The following FILIP1L variants were observed in gnomAD, a reference collection of about 807,000 sequenced individuals.
The protein encoded by FILIP1L is filamin A interacting protein 1 like, also known as filamin A-interacting protein 1-like.
Under a neutral mutation model 96.6 loss-of-function variants are expected in FILIP1L, and 55 were observed. The ratio of observed to expected loss-of-function variants is 0.57; its 90% CI spans 0.46 to 0.71. The LOEUF is 0.71. FILIP1L is among the 30% of genes least tolerant of loss of function. FILIP1L has a pLI of 0.00. For missense variants in FILIP1L, 1,304 were observed against 1,321.2 expected, an observed-to-expected ratio of 0.99 and a Z score of 0.20; for synonymous variants, 467 against 473.9, an observed-to-expected ratio of 0.99 and a Z score of 0.19.
chr3:99,832,962 G>A (rs544287815), intron 5 of FILIP1L, among the ~76,000 whole-genome samples: 48 of 150,772 alleles, frequency 3.2e-4, no homozygotes, highest in African/African-American at 1.2e-3. Context: ...TTTATAGAGC[G>A]TTATGTCAAA....
At chr3:99,895,972 A>C (rs1296416268) in intron 4 of FILIP1L, among the ~76,000 whole-genome samples, 1 of 152,212 alleles carries the variant, frequency 6.6e-6, no homozygotes, top group Non-Finnish European at 1.5e-5. Context: ...TGTAGAGGAG[A>C]CATGTGGCTC....
At chr3:99,870,197 A>C (rs1414068182) in intron 4 of FILIP1L, among the ~76,000 whole-genome samples, 1 of 152,184 alleles carries the variant, frequency 6.6e-6, no homozygotes, top group East Asian at 1.9e-4. Flanking sequence ...AATTTGTAGA[A>C]ACCAAGGGAA....
At chr3:99,955,468 G>A (rs2107694222) in intron 1 of FILIP1L, among the ~76,000 whole-genome samples, 1 of 152,288 alleles carries the variant, frequency 6.6e-6, no homozygotes, top group South Asian at 2.1e-4. Flanking sequence ...GATAATAGAA[G>A]TAATTATTAA....
chr3:99,940,470 G>A (rs1336733081), intron 1 of FILIP1L, among the ~76,000 whole-genome samples: 2 of 152,152 alleles, frequency 1.3e-5, no homozygotes, highest in East Asian at 3.9e-4. Context: ...GGACCTTGGA[G>A]CCAGTTTTGT....
chr3:99,987,362 C>G (rs571201205), intron 1 of FILIP1L, among the ~76,000 whole-genome samples: 10 of 151,198 alleles, frequency 6.6e-5, no homozygotes, highest in African/African-American at 1.9e-4. Flanking sequence ...AACCTTGCCT[C>G]TACTAAAAAT....
intron 1 of FILIP1L, among the ~76,000 whole-genome samples, chr3:99,949,506 A>G (rs1470948288): frequency 6.6e-6 from 1 of 152,176 alleles, no homozygotes; most frequent in South Asian, 2.1e-4. Flanking sequence ...TCAACAGGCA[A>G]TTTTACTCGC....
chr3:99,987,841 G>A (rs1709390865), intron 1 of FILIP1L, among the ~76,000 whole-genome samples: 1 of 152,184 alleles, frequency 6.6e-6, no homozygotes, highest in South Asian at 2.1e-4. Flanking sequence ...TAACATTCTA[G>A]CAGTAAACAT....
intron 1 of FILIP1L, among the ~76,000 whole-genome samples, chr3:100,060,376 C>G (rs2065542065): frequency 6.6e-6 from 1 of 152,138 alleles, no homozygotes; most frequent in Non-Finnish European, 1.5e-5. Flanking sequence ...AACCATCTTC[C>G]TGATGCCCTT....
intron 4 of FILIP1L, among the ~76,000 whole-genome samples, chr3:99,879,640 T>C (rs1705653475): frequency 6.6e-6 from 1 of 152,212 alleles, no homozygotes; most frequent in Non-Finnish European, 1.5e-5. Context: ...AAAATTTTCA[T>C]TGCTGGTCCT....
chr3:100,016,400 A>C (rs1710341384), intron 1 of FILIP1L, among the ~76,000 whole-genome samples: 2 of 152,214 alleles, frequency 1.3e-5, no homozygotes, highest in Admixed American at 1.3e-4. Context: ...CATGTTGGTC[A>C]GGCTGGTCTC....
At chr3:99,906,302 T>G (rs542562272) in intron 4 of FILIP1L, among the ~76,000 whole-genome samples, 2 of 152,362 alleles carry the variant, frequency 1.3e-5, no homozygotes, top group Admixed American at 1.3e-4. Flanking sequence ...GAAACTCCCT[T>G]TCACATGCTT....
In FILIP1L at chr3:99,849,318, A is replaced by G. The variant is rs763701185; in HGVS notation, c.2358T>C (p.Asn786=). ...HFSKSLRPSL[N]GRRISDPQVF... is the part of the protein sequence containing the mutation. ...CTTGAGGATCGGAAATTCTTCTTCC[A>G]TTGAGACTAGGCCTGAGGCTCTTAC... Residue 786 remains asparagine (N), a synonymous_variant, in exon 5 of 6, where the codon AAT becomes AAC. Coordinates refer to ENST00000477258, the MANE Select transcript of FILIP1L (RefSeq NM_001387850.1). 8 of 1,614,158 alleles carry G rather than the reference A, an allele frequency of 5.0e-6. No individual in the cohort carries two copies. The highest frequency in any genetic ancestry group is 5.9e-6 in the Non-Finnish European group (7 of 1,180,022).
At chr3:99,954,225 A>G (rs1408369324) in intron 1 of FILIP1L, among the ~76,000 whole-genome samples, 1 of 152,242 alleles carries the variant, frequency 6.6e-6, no homozygotes, top group Non-Finnish European at 1.5e-5. Flanking sequence ...TCACATAGCT[A>G]AGAAATAGTA....
Position 99,897,952 on chromosome 3 carries a change from C to G in FILIP1L, c.605+26278G>C, listed in dbSNP as rs375239151. ...CTCGTCACCATGAATAATTGAGAAC[C>G]AACTCTATTAAGAAAAGATATCCTA... On this transcript the variant is annotated intron_variant, in intron 4 of 5. Transcript: ENST00000477258. 6.2e-4 allele frequency among the ~76,000 whole-genome samples: 95 copies of G among 152,250 alleles called. 1 individual carries two copies. The South Asian group carries it at 0.019, about 31-fold the overall frequency.
chr3:100,098,001 G>C (rs2066240396), intron 1 of FILIP1L, among the ~76,000 whole-genome samples: 1 of 152,188 alleles, frequency 6.6e-6, no homozygotes, highest in African/African-American at 2.4e-5. Context: ...TGTTTAGCTA[G>C]GCATAGTAAT....
intron 3 of FILIP1L, chr3:99,925,928 T>A: frequency 7.2e-6 from 7 of 977,122 alleles, no homozygotes; most frequent in Non-Finnish European, 8.5e-6. Context: ...CAGAAAAACA[T>A]GTTGGCAAGA....
chr3:99,886,824 G>A (rs1705914575), intron 4 of FILIP1L, among the ~76,000 whole-genome samples: 1 of 151,954 alleles, frequency 6.6e-6, no homozygotes, highest in South Asian at 2.1e-4. Context: ...ACAAAAATTA[G>A]CCAGGCATGG....
At chr3:99,835,606 C>A (rs957264926) in intron 5 of FILIP1L, among the ~76,000 whole-genome samples, 2 of 152,124 alleles carry the variant, frequency 1.3e-5, no homozygotes, top group Non-Finnish European at 2.9e-5. Flanking sequence ...ATTAATAGGT[C>A]TGGGAATGTG....
At chr3:99,941,962 A>C (rs1186842010) in intron 1 of FILIP1L, among the ~76,000 whole-genome samples, 1 of 152,198 alleles carries the variant, frequency 6.6e-6, no homozygotes, top group Non-Finnish European at 1.5e-5. Context: ...GGAAATTTGA[A>C]TGTGAACTAT....
Sources: gnomAD v4.1 joint callset for allele counts (sites outside exome capture counted in the v4.1 genomes callset) on GRCh38, gnomAD v4.1.1 for gene constraint, MANE v1.5 for transcripts, NCBI Gene and HGNC (gene_info 2026-07-23, HGNC 2026-07-21) for gene names.